Variants in ACTR3C observed in about 807,000 individuals in gnomAD.
ACTR3C encodes actin-related protein 3C.
ACTR3C carries 18 observed loss-of-function variants against 26.3 expected under a neutral mutation model. The ratio of observed to expected loss-of-function variants is 0.68; its 90% confidence interval spans 0.47 to 1.01. The LOEUF is 1.01. ACTR3C is among the 50% of genes least tolerant of loss of function. The probability of loss-of-function intolerance (pLI) is 0.00; values close to 1 mark genes in which losing one functional copy is unlikely to be tolerated. For missense variants in ACTR3C, 184 were observed against 250.7 expected (o/e 0.73, Z 1.80); for synonymous variants, 55 against 94.5 (o/e 0.58, Z 2.42).
the ACTR3C span, chr7:150,073,776 T>A: frequency 1.3e-5 from 2 of 152,050 alleles, no homozygotes; most frequent in South Asian, 2.1e-4. Flanking sequence ...AAAATAATTT[T>A]AAAAATAGAA....
chr7:150,251,701 A>G (rs1832863660), intron 6 of ACTR3C, among the ~76,000 whole-genome samples: 1 of 152,078 alleles, frequency 6.6e-6, no homozygotes, highest in African/African-American at 2.4e-5. Flanking sequence ...TTAATTCCAA[A>G]TGAATCATTT....
the ACTR3C span, among the ~76,000 whole-genome samples, chr7:149,906,689 C>A: frequency 7.3e-6 from 1 of 137,792 alleles, no homozygotes; most frequent in Non-Finnish European, 1.5e-5. Context: ...ACCTTGGCCT[C>A]CCAAAGTGTT....
At chr7:150,273,229 C>T (rs999987064) in intron 6 of ACTR3C, among the ~76,000 whole-genome samples, 1 of 145,200 alleles carries the variant, frequency 6.9e-6, no homozygotes, top group Non-Finnish European at 1.5e-5. Context: ...AAAGTAATGA[C>T]AGAAATAGCA....
chr7:150,284,774 A>G lies in ACTR3C; in HGVS notation c.543T>C (p.Asp181=), dbSNP rs770327140. Residue 181 remains aspartate (D), a synonymous_variant, in exon 6 of 8, where the codon GAT becomes GAC. Coordinates refer to ENST00000683684, the MANE Select transcript of ACTR3C (RefSeq NM_001164458.2). ...ATACCTTATACAGCGGACGCCGCACATCGATGGGGCAGTTCTGTATTACTT... is the reference window on the plus strand; with the variant it reads ...ATACCTTATACAGCGGACGCCGCACGTCGATGGGGCAGTTCTGTATTACTT... ...VDEVIQNCPI[D]VRRPLYKMEQ... is the part of the protein sequence containing the mutation. The G allele has an allele frequency of 5.0e-5, 80 of 1,613,094 alleles. No homozygotes were observed. Among genetic ancestry groups the G allele is most frequent in the Non-Finnish European group, 6.4e-5 (75 of 1,179,630 alleles).
intron 4 of ACTR3C, 25 bp from the exon 5 acceptor site, chr7:150,286,565 C>T (rs776849456): frequency 7.5e-6 from 12 of 1,602,820 alleles, no homozygotes; most frequent in African/African-American, 5.4e-5. Flanking sequence ...AAAGATGTTG[C>T]CAGGCATTAA....
the ACTR3C span, among the ~76,000 whole-genome samples, chr7:150,132,043 T>C: frequency 2.0e-5 from 3 of 152,198 alleles, no homozygotes; most frequent in African/African-American, 4.8e-5. Flanking sequence ...GCGATGGCTA[T>C]TGAGGAATAC....
the ACTR3C span, among the ~76,000 whole-genome samples, chr7:150,165,010 G>C: frequency 1.3e-5 from 2 of 152,164 alleles, no homozygotes; most frequent in African/African-American, 4.8e-5. Context: ...CAGAGGTAAG[G>C]AAACAAAGTT....
At chr7:150,294,956 T>A (rs1481965740) in intron 2 of ACTR3C, among the ~76,000 whole-genome samples, 1 of 151,328 alleles carries the variant, frequency 6.6e-6, no homozygotes, top group African/African-American at 2.4e-5. Flanking sequence ...AAGTCAAAGA[T>A]GCCAAAAGAA....
chr7:150,123,448 C>G, the ACTR3C span, among the ~76,000 whole-genome samples: 4 of 152,140 alleles, frequency 2.6e-5, no homozygotes, highest in African/African-American at 9.7e-5. Flanking sequence ...CAACTGTGCA[C>G]CTCCTCTTCC....
chr7:150,279,795 A>G (rs1316875587), intron 6 of ACTR3C, among the ~76,000 whole-genome samples: 1 of 152,190 alleles, frequency 6.6e-6, no homozygotes, highest in Admixed American at 6.5e-5. Context: ...CCTTCTCTCA[A>G]TTACCATAAT....
intron 1 of ACTR3C, among the ~76,000 whole-genome samples, chr7:150,297,940 T>C (rs952950438): frequency 6.6e-6 from 1 of 150,510 alleles, no homozygotes; most frequent in African/African-American, 2.5e-5. Context: ...AAAAATGATA[T>C]CAAGTTGAGC....
chr7:150,175,832 A>AAG, the ACTR3C span, among the ~76,000 whole-genome samples: 287 of 145,972 alleles, frequency 2.0e-3, 7 homozygotes, highest in African/African-American at 7.5e-3. Context: ...AAAAAAAAAA[A>AAG]AAAGAAAGAA....
At chr7:149,899,735 G>T in the ACTR3C span, among the ~76,000 whole-genome samples, 1 of 151,918 alleles carries the variant, frequency 6.6e-6, no homozygotes, top group African/African-American at 2.4e-5. Flanking sequence ...AAGAAACAAT[G>T]GCTAAAACTG....
the ACTR3C span, among the ~76,000 whole-genome samples, chr7:150,223,307 C>T: frequency 6.6e-6 from 1 of 151,940 alleles, no homozygotes; most frequent in African/African-American, 2.4e-5. Context: ...ATTAATTTAT[C>T]CATTCTCTTA....
chr7:150,200,171 T>C, the ACTR3C span, among the ~76,000 whole-genome samples: 1 of 152,240 alleles, frequency 6.6e-6, no homozygotes, highest in Non-Finnish European at 1.5e-5. Context: ...ACCAAATTGC[T>C]AAGTGGACAT....
intron 6 of ACTR3C, among the ~76,000 whole-genome samples, chr7:150,252,667 T>C (rs893027845): frequency 2.0e-5 from 3 of 152,206 alleles, no homozygotes; most frequent in Non-Finnish European, 4.4e-5. Flanking sequence ...AACTATTTTA[T>C]TGTGATTTAA....
chr7:150,311,389 T>A (rs1339661979), intron 1 of ACTR3C, among the ~76,000 whole-genome samples: 2 of 152,232 alleles, frequency 1.3e-5, no homozygotes, highest in Non-Finnish European at 2.9e-5. Context: ...GCTGCTTTAA[T>A]ACGTCTAGAG....
chr7:150,068,623 A>C, the ACTR3C span, among the ~76,000 whole-genome samples: 2 of 16,248 alleles, frequency 1.2e-4, no homozygotes, highest in Middle Eastern at 0.083. Flanking sequence ...CTAAAAATAC[A>C]AAAAAAAAAA....
intron 3 of ACTR3C, 40 bp downstream of exon 3, chr7:150,293,269 GTGT>G (rs1035789566): frequency 1.5e-5 from 23 of 1,530,988 alleles, no homozygotes; most frequent in Non-Finnish European, 1.8e-5. Flanking sequence ...CTCGAATCAG[GTGT>G]TAAGCCTACA....
Sources: allele counts gnomAD v4.1 joint callset (sites outside exome capture counted in the v4.1 genomes callset), GRCh38; gene constraint gnomAD v4.1.1; transcripts MANE v1.5; gene names NCBI Gene and HGNC (gene_info 2026-07-23, HGNC 2026-07-21).